Variants in RBFOX1 observed in about 807,000 individuals in gnomAD.
The protein encoded by RBFOX1 is RNA binding fox-1 homolog 1.
A neutral mutation model predicts 57.7 loss-of-function variants in RBFOX1; 8 were observed. The ratio of observed to expected loss-of-function variants is 0.14; its 90% CI spans 0.08 to 0.25. The LOEUF (loss-of-function observed/expected upper bound fraction) is 0.25. RBFOX1 is among the 10% of genes least tolerant of loss of function. The probability of loss-of-function intolerance (pLI) is 1.00; values close to 1 mark genes in which losing one functional copy is unlikely to be tolerated. For missense variants in RBFOX1, 611 were observed against 548.5 expected (o/e 1.11, Z -1.14); for synonymous variants, 326 against 222.4 (o/e 1.47, Z -4.15).
intron 3 of RBFOX1, among the ~76,000 whole-genome samples, chr16:6,953,955 T>G (rs2081272646): frequency 6.6e-6 from 1 of 152,136 alleles, no homozygotes; most frequent in African/African-American, 2.4e-5. Context: ...AACCTCTTAT[T>G]TACAAAAGTG....
chr16:6,626,351 G>T (rs754006643), intron 2 of RBFOX1, among the ~76,000 whole-genome samples: 1 of 152,046 alleles, frequency 6.6e-6, no homozygotes, highest in Non-Finnish European at 1.5e-5. Context: ...TGGAGGAGTG[G>T]GTGTTGCAGG....
intron 1 of RBFOX1, among the ~76,000 whole-genome samples, chr16:6,158,683 C>T (rs959813994): frequency 6.6e-6 from 1 of 152,136 alleles, no homozygotes; most frequent in African/African-American, 2.4e-5. Context: ...AAGTCCATGT[C>T]TTGGAGAGCT....
chr16:7,177,974 C>T (rs12922217), intron 4 of RBFOX1, among the ~76,000 whole-genome samples: 36,821 of 152,084 alleles, frequency 0.24, 4,829 homozygotes, highest in Non-Finnish European at 0.31. Context: ...AACATGCTCA[C>T]GCTCTGGTTC....
intron 4 of RBFOX1, among the ~76,000 whole-genome samples, chr16:5,975,393 TG>T (rs577250736): frequency 2.0e-5 from 3 of 152,320 alleles, no homozygotes; most frequent in African/African-American, 7.2e-5. Flanking sequence ...ATCACAGAGC[TG>T]GGTGCCTGGC....
intron 3 of RBFOX1, among the ~76,000 whole-genome samples, chr16:6,990,281 T>C (rs959334527): frequency 1.3e-5 from 2 of 152,068 alleles, no homozygotes; most frequent in Non-Finnish European, 2.9e-5. Context: ...TCCCAGTACT[T>C]TGGGAGGCCG....
chr16:6,525,997 A>G (rs1311304086), intron 2 of RBFOX1, among the ~76,000 whole-genome samples: 1 of 152,212 alleles, frequency 6.6e-6, no homozygotes, highest in Non-Finnish European at 1.5e-5. Context: ...AATGACCCCA[A>G]GATATCCAGT....
chr16:7,604,821 C>A (rs767172470), intron 9 of RBFOX1, among the ~76,000 whole-genome samples: 1 of 152,074 alleles, frequency 6.6e-6, no homozygotes. Flanking sequence ...AAAAGGAAGT[C>A]TTATATGCAA....
chr16:5,867,383 G>T, intron 4 of RBFOX1: 2 of 1,099,392 alleles, frequency 1.8e-6, no homozygotes, highest in Non-Finnish European at 2.3e-6. Flanking sequence ...TTTGAAGTGG[G>T]TTTCTTTTGT....
chr16:7,031,017 C>T (rs1369110899), intron 3 of RBFOX1, among the ~76,000 whole-genome samples: 1 of 152,080 alleles, frequency 6.6e-6, no homozygotes, highest in African/African-American at 2.4e-5. Context: ...ACCTTTATGA[C>T]CTAGTTGGTT....
intron 3 of RBFOX1, among the ~76,000 whole-genome samples, chr16:6,869,818 G>A (rs1187460327): frequency 1.3e-5 from 2 of 152,116 alleles, no homozygotes; most frequent in Admixed American, 6.5e-5. Flanking sequence ...TGGTTTTGAA[G>A]ACACATGAGC....
chr16:7,527,610 C>G (rs189893562), intron 5 of RBFOX1, among the ~76,000 whole-genome samples: 142 of 152,224 alleles, frequency 9.3e-4, no homozygotes, highest in Non-Finnish European at 1.6e-3. Flanking sequence ...CATTTTCATT[C>G]CCATTCTGTC....
chr16:7,163,005 A>G (rs1001761208), intron 4 of RBFOX1, among the ~76,000 whole-genome samples: 4 of 152,184 alleles, frequency 2.6e-5, no homozygotes, highest in African/African-American at 9.7e-5. Context: ...TACATTGCAT[A>G]TAAATGCAGA....
chr16:6,616,416 C>G (rs989026307), intron 2 of RBFOX1, among the ~76,000 whole-genome samples: 2 of 151,870 alleles, frequency 1.3e-5, no homozygotes, highest in East Asian at 3.9e-4. Context: ...ATGGCTCACG[C>G]CTGTAATCCC....
At chr16:6,982,195 C>G (rs1220053313) in intron 3 of RBFOX1, among the ~76,000 whole-genome samples, 2 of 152,112 alleles carry the variant, frequency 1.3e-5, no homozygotes, top group Non-Finnish European at 2.9e-5. Context: ...ATTTGAGAAA[C>G]CTGAGAATGG....
intron 2 of RBFOX1, among the ~76,000 whole-genome samples, chr16:5,562,196 T>C (rs11641064): frequency 0.4 from 61,239 of 152,050 alleles, 12,738 homozygotes; most frequent in East Asian, 0.52. Flanking sequence ...TTATTTCTGC[T>C]CCATCCAAGT....
chr16:5,318,659 C>T (rs2064310944), intron 1 of RBFOX1, among the ~76,000 whole-genome samples: 1 of 152,198 alleles, frequency 6.6e-6, no homozygotes, highest in African/African-American at 2.4e-5. Flanking sequence ...GGTAGACAGA[C>T]TTCTAAGATG....
intron 3 of RBFOX1, among the ~76,000 whole-genome samples, chr16:5,681,272 G>T (rs1325741985): frequency 6.8e-6 from 1 of 147,090 alleles, no homozygotes; most frequent in Non-Finnish European, 1.5e-5. Context: ...TTTTGGTAGA[G>T]ACGGGGTTTC....
At chr16:6,829,653 G>A (rs1395904326) in intron 3 of RBFOX1, among the ~76,000 whole-genome samples, 1 of 152,022 alleles carries the variant, frequency 6.6e-6, no homozygotes, top group Non-Finnish European at 1.5e-5. Flanking sequence ...CCATACGGCA[G>A]TGCAGGGGCG....
intron 3 of RBFOX1, among the ~76,000 whole-genome samples, chr16:6,795,684 T>A (rs1162855582): frequency 2.0e-5 from 3 of 151,724 alleles, no homozygotes; most frequent in Non-Finnish European, 4.4e-5. Flanking sequence ...GAGAATCGCT[T>A]GAAACCAGAA....
Sources: allele counts gnomAD v4.1 joint callset (sites outside exome capture counted in the v4.1 genomes callset), GRCh38; gene constraint gnomAD v4.1.1; transcripts MANE v1.5; gene names NCBI Gene and HGNC (gene_info 2026-07-23, HGNC 2026-07-21).